Variants in PHLPP1 observed in about 807,000 individuals in gnomAD.
PHLPP1 encodes the protein PH domain leucine-rich repeat-containing protein phosphatase 1.
In PHLPP1, 42 loss-of-function variants were observed where a neutral mutation model predicts 117.2. That is an observed-to-expected ratio of 0.36 (90% CI 0.28 to 0.46). PHLPP1 has a LOEUF of 0.46. Among genes scored for constraint, PHLPP1 ranks in the 20% least tolerant of loss-of-function variants. The pLI is 1.00. For synonymous variants in PHLPP1, 1,042 were observed against 970.7 expected, an observed-to-expected ratio of 1.07 and a Z score of -1.37; for missense variants, 2,084 against 2,241.9, an observed-to-expected ratio of 0.93 and a Z score of 1.42.
chr18:62,920,069 A>C lies in PHLPP1; in HGVS notation c.2915A>C (p.Asn972Thr), dbSNP rs1909416789. The C allele has an allele frequency of 6.2e-7, 1 of 1,613,532 alleles. No individual in the cohort carries two copies. Among genetic ancestry groups the C allele is most frequent in the South Asian group, 1.1e-5 (1 of 90,982 alleles). Reference sequence around the variant, plus strand: ...GTGGAGGTCTTGGATGTGCAACACAACCAGCTCCTTGAGCTCCCACCTAAC... The same window carrying C: ...GTGGAGGTCTTGGATGTGCAACACACCCAGCTCCTTGAGCTCCCACCTAAC... The part of the protein sequence containing the change: ...TSVEVLDVQH[N>T]QLLELPPNLL... The change falls in exon 10 of 17, where the codon AAC becomes ACC. Residue 972 changes from asparagine (N) to threonine (T), a missense_variant. Physicochemically the swap from Asn to Thr is moderately conservative, Grantham distance 65 (BLOSUM62 0). Coordinates refer to ENST00000262719, the MANE Select transcript of PHLPP1 (RefSeq NM_194449.4).
chr18:62,853,837 T>C (rs928538580), intron 3 of PHLPP1, among the ~76,000 whole-genome samples: 1 of 152,210 alleles, frequency 6.6e-6, no homozygotes, highest in African/African-American at 2.4e-5. Context: ...GTCTTTTTTG[T>C]TTTATAGACT....
chr18:62,878,954 C>T (rs1230211291), intron 4 of PHLPP1, among the ~76,000 whole-genome samples: 1 of 152,196 alleles, frequency 6.6e-6, no homozygotes, highest in Admixed American at 6.6e-5. Flanking sequence ...TTCTTTACAA[C>T]CACAGGGCTT....
At chr18:62,769,442 G>A (rs79574335) in intron 1 of PHLPP1, among the ~76,000 whole-genome samples, 1 of 152,146 alleles carries the variant, frequency 6.6e-6, no homozygotes, top group African/African-American at 2.4e-5. Context: ...GGGGAGGGAG[G>A]ATAAACAACT....
chr18:62,891,626 A>G (rs1568151791), intron 4 of PHLPP1, among the ~76,000 whole-genome samples: 1 of 151,520 alleles, frequency 6.6e-6, no homozygotes. Context: ...ACGATGACTC[A>G]TGCCTTTAGT....
chr18:62,854,302 T>C (rs940108713), intron 3 of PHLPP1, among the ~76,000 whole-genome samples: 1 of 152,268 alleles, frequency 6.6e-6, no homozygotes, highest in Admixed American at 6.5e-5. Flanking sequence ...TAACCTCTTA[T>C]ACTTTTCCTG....
intron 1 of PHLPP1, among the ~76,000 whole-genome samples, chr18:62,824,733 C>CA (rs995897052): frequency 1.3e-5 from 2 of 151,992 alleles, no homozygotes; most frequent in Non-Finnish European, 2.9e-5. Flanking sequence ...AAATACTTCA[C>CA]AAAACAGTGA....
chr18:62,815,348 G>A (rs539385882), intron 1 of PHLPP1, among the ~76,000 whole-genome samples: 40 of 151,976 alleles, frequency 2.6e-4, no homozygotes, highest in African/African-American at 9.2e-4. Context: ...TAGTAGAGCC[G>A]GGGTTTCACC....
intron 1 of PHLPP1, among the ~76,000 whole-genome samples, chr18:62,801,781 A>T (rs1913793415): frequency 6.6e-6 from 1 of 152,008 alleles, no homozygotes; most frequent in African/African-American, 2.4e-5. Flanking sequence ...ATGGTTTCTC[A>T]TATTTCTTTC....
chr18:62,903,301 A>G (rs1290211062), intron 7 of PHLPP1, 135 bp downstream of exon 7: 9 of 652,150 alleles, frequency 1.4e-5, no homozygotes, highest in Non-Finnish European at 2.1e-5. Context: ...TAAAAGTCAC[A>G]AAAGAAAAAT....
chr18:62,715,828 C>A lies in PHLPP1; in HGVS notation c.145C>A (p.Arg49=). 6 of 742,744 alleles carry A rather than the reference C, an allele frequency of 8.1e-6. No homozygotes were observed. The highest frequency in any genetic ancestry group is 9.9e-6 in the Non-Finnish European group (6 of 607,594). 46.0% of individuals were successfully genotyped at this position (742,744 alleles called of 1,614,324 possible). The change falls in exon 1 of 17, where the codon CGG becomes AGG. Residue 49 remains arginine (R), a synonymous_variant. Transcript: ENST00000262719. ...TCTGGCGGCGGCGGCCGGGGGCGGC[C>A]GGAGTCCGGAGCCCGCGCTGACCCC... ...AALAAAAGGG[R]SPEPALTPAA...
At chr18:62,802,982 A>C (rs1913829299) in intron 1 of PHLPP1, among the ~76,000 whole-genome samples, 1 of 152,258 alleles carries the variant, frequency 6.6e-6, no homozygotes, top group Admixed American at 6.5e-5. Flanking sequence ...GGTAAGTGGC[A>C]GAAGATAAAT....
intron 13 of PHLPP1, 88 bp from the exon 14 acceptor site, chr18:62,963,269 AGTGTTTAACAG>A (rs1910816615): frequency 1.4e-6 from 1 of 729,132 alleles, no homozygotes; most frequent in Admixed American, 2.2e-5. Context: ...GTAAGTACAG[AGTGTTTAACAG>A]GTGTATTTTT....
At chr18:62,764,168 A>C (rs942274416) in intron 1 of PHLPP1, among the ~76,000 whole-genome samples, 10 of 150,782 alleles carry the variant, frequency 6.6e-5, no homozygotes, top group Non-Finnish European at 1.2e-4. Flanking sequence ...CATCTCAAAA[A>C]AAAAAAAAAA....
intron 1 of PHLPP1, among the ~76,000 whole-genome samples, chr18:62,732,467 C>T (rs148895932): frequency 1.4e-4 from 22 of 152,256 alleles, no homozygotes; most frequent in Admixed American, 3.9e-4. Context: ...GAAAAGATTC[C>T]TTTCAAAATA....
At chr18:62,862,734 C>T (rs750925721) in intron 4 of PHLPP1, among the ~76,000 whole-genome samples, 2 of 152,140 alleles carry the variant, frequency 1.3e-5, no homozygotes, top group Non-Finnish European at 2.9e-5. Flanking sequence ...TTTTTGTGTA[C>T]TTCCTATTTT....
intron 1 of PHLPP1, among the ~76,000 whole-genome samples, chr18:62,750,717 GTT>G (rs71160866): frequency 3.7e-5 from 5 of 135,054 alleles, no homozygotes; most frequent in Admixed American, 7.3e-5. Context: ...TTTCCTAGTT[GTT>G]TTTTTTTTTT....
chr18:62,899,899 G>A (rs1377470832), intron 6 of PHLPP1, among the ~76,000 whole-genome samples: 4 of 152,212 alleles, frequency 2.6e-5, no homozygotes, highest in Admixed American at 1.3e-4. Flanking sequence ...AAACTCTTGG[G>A]CTCAAGTTGT....
intron 1 of PHLPP1, among the ~76,000 whole-genome samples, chr18:62,784,380 A>G (rs992362399): frequency 3.3e-5 from 5 of 152,270 alleles, no homozygotes; most frequent in African/African-American, 9.6e-5. Flanking sequence ...GCTAATAGAA[A>G]GAAAGCAGGG....
intron 1 of PHLPP1, among the ~76,000 whole-genome samples, chr18:62,719,009 A>C (rs1348587790): frequency 6.6e-6 from 1 of 152,216 alleles, no homozygotes; most frequent in Non-Finnish European, 1.5e-5. Flanking sequence ...AATATTAAAA[A>C]AGTCTTTCCT....
Sources: gnomAD v4.1 joint callset for allele counts (sites outside exome capture counted in the v4.1 genomes callset) on GRCh38, gnomAD v4.1.1 for gene constraint, MANE v1.5 for transcripts, NCBI Gene and HGNC (gene_info 2026-07-23, HGNC 2026-07-21) for gene names.